The following TULP4 variants were observed in gnomAD, a reference collection of about 807,000 sequenced individuals.
The protein encoded by TULP4 is TUB like protein 4.
In TULP4, 16 loss-of-function variants were observed where a neutral mutation model predicts 129.0. That is an observed-to-expected ratio of 0.12 (90% CI 0.08 to 0.19). The LOEUF (loss-of-function observed/expected upper bound fraction) is 0.19. Among genes scored for constraint, TULP4 ranks in the 10% least tolerant of loss-of-function variants. The pLI is 1.00. For synonymous variants in TULP4, 998 were observed against 854.0 expected (o/e 1.17, Z -2.94); for missense variants, 1,842 against 2,059.1 (o/e 0.89, Z 2.04).
intron 1 of TULP4, among the ~76,000 whole-genome samples, chr6:158,293,107 T>A (rs1778973113): frequency 6.6e-6 from 1 of 152,218 alleles, no homozygotes; most frequent in Non-Finnish European, 1.5e-5. Flanking sequence ...GTCTGCAAGC[T>A]CCATTCCCTC....
chr6:158,332,229 A>ATATATATATATATATATATG (rs1779927404), intron 1 of TULP4, among the ~76,000 whole-genome samples: 1 of 142,768 alleles, frequency 7.0e-6, no homozygotes, highest in African/African-American at 2.6e-5. Context: ...ATATATATAT[A>ATATATATATATATATATATG]AATTGAAAAG....
chr6:158,461,228 A>G (rs1010761090), intron 5 of TULP4, among the ~76,000 whole-genome samples: 3 of 152,202 alleles, frequency 2.0e-5, no homozygotes, highest in Admixed American at 6.5e-5. Flanking sequence ...CCTGACCAAC[A>G]TGGAGAAATC....
rs79352818 is a variant in TULP4, at chr6:158,241,039, C to T, written n.68+8736C>T. ...CTCCTCACTTCTCAGATGGGGCGGC[C>T]GGGTAGAGACGCTCCTCACCTCCCA... is the stretch of plus-strand genomic sequence containing the variant. On this transcript the variant is annotated intron_variant and non_coding_transcript_variant, in intron 1 of 1. Transcript: ENST00000620026. Among the ~76,000 whole-genome samples, 1,058 of 135,280 alleles carry T rather than the reference C, an allele frequency of 7.8e-3. 127 individuals are homozygous for T. The East Asian group carries it at 0.18, about 23-fold the overall frequency. 88.7% of individuals were successfully genotyped at this position (135,280 alleles called of 152,430 possible).
At chr6:158,232,622 T>C (rs1043110731) in intron 1 of TULP4, among the ~76,000 whole-genome samples, 21 of 151,810 alleles carry the variant, frequency 1.4e-4, no homozygotes, top group African/African-American at 4.8e-4. Context: ...GTGGTGCGTG[T>C]GGTGTGTGTG....
Position 158,413,207 on chromosome 6 carries a change from G to A in TULP4, c.381+14G>A, listed in dbSNP as rs1005629811. The A allele has an allele frequency of 5.0e-6, 8 of 1,605,054 alleles. No individual in the cohort carries two copies. Among genetic ancestry groups the A allele is most frequent in the East Asian group, 2.2e-5 (1 of 44,746 alleles). On this transcript the variant is annotated intron_variant, in intron 2 of 13. Transcript: ENST00000367097. This position sits in a 1 kb window ranked among gnomAD's most constrained non-coding sequence, Gnocchi z 4.9. ...CGCGGGGCGCAGGTGAGTGGCAGGC[G>A]CAGCTCTGCCAGTGAAGGGCTGCGG...
chr6:158,262,601 G>T (rs1486584596), intron 1 of TULP4, among the ~76,000 whole-genome samples: 3 of 152,158 alleles, frequency 2.0e-5, no homozygotes, highest in Non-Finnish European at 4.4e-5. Flanking sequence ...CTTCTGCAAA[G>T]AATTGAACTG....
chr6:158,246,933 G>A (rs917540290), intron 1 of TULP4, among the ~76,000 whole-genome samples: 1 of 152,218 alleles, frequency 6.6e-6, no homozygotes, highest in Non-Finnish European at 1.5e-5. Flanking sequence ...GTGTGCAGCA[G>A]TGCTGTGCAG....
Position 158,409,805 on chromosome 6 carries a change from G to A in TULP4, c.253-3260G>A, listed in dbSNP as rs563642031. Among the ~76,000 whole-genome samples the A allele has an allele frequency of 2.0e-5, 3 of 152,284 alleles. No individual in the cohort carries two copies. In the South Asian group the frequency reaches 6.2e-4, roughly 32 times the overall value. ...TATACTAGTTGGAACTCTTAGCAAA[G>A]TATGTAAATGGGACTATGTTTCCAT... On this transcript the variant is annotated intron_variant, in intron 1 of 13. Transcript: ENST00000367097.
At chr6:158,350,090 G>A (rs1400514071) in intron 1 of TULP4, among the ~76,000 whole-genome samples, 3 of 144,984 alleles carry the variant, frequency 2.1e-5, no homozygotes, top group Non-Finnish European at 4.5e-5. Context: ...CTTCCCAGAC[G>A]GGGCAGCCGG....
At chr6:158,257,229 C>CT (rs562004466) in intron 1 of TULP4, among the ~76,000 whole-genome samples, 194 of 152,200 alleles carry the variant, frequency 1.3e-3, no homozygotes, top group Admixed American at 2.7e-3. Context: ...AGCCAGGACT[C>CT]TGTTCGTTTC....
chr6:158,449,974 TAAC>T (rs112921712), intron 4 of TULP4, among the ~76,000 whole-genome samples: 2,622 of 152,340 alleles, frequency 0.017, 85 homozygotes, highest in African/African-American at 0.059. Flanking sequence ...TCATTTTAGT[TAAC>T]ATATTCATCA....
chr6:158,501,866 G>A lies in TULP4; in HGVS notation c.2203G>A (p.Glu735Lys). Residue 735 changes from glutamate (E) to lysine (K), a missense_variant, in exon 13 of 14, where the codon GAA becomes AAA. Coordinates refer to ENST00000367097, the MANE Select transcript of TULP4 (RefSeq NM_020245.5). ...TNQTTAVGTA[E>K]HAGDSATQYP... is the part of the protein sequence containing the mutation. The stretch of plus-strand genomic sequence containing the variant: ...CCAGACGACAGCTGTAGGGACAGCA[G>A]AACATGCAGGTGACAGTGCCACCCA... 6.2e-7 allele frequency: 1 copy of A among 1,614,166 alleles called. No individual in the cohort carries two copies. The highest frequency in any genetic ancestry group is 8.5e-7 in the Non-Finnish European group (1 of 1,180,024).
chr6:158,496,000 A>G (rs770661955), intron 11 of TULP4, among the ~76,000 whole-genome samples: 62 of 152,194 alleles, frequency 4.1e-4, no homozygotes, highest in Non-Finnish European at 6.6e-4. Context: ...GAACATGAAC[A>G]TGTATTCGGA....
chr6:158,501,776 C>G lies in TULP4; in HGVS notation c.2113C>G (p.Gln705Glu). 1 of 1,614,180 alleles carries G rather than the reference C, an allele frequency of 6.2e-7. No homozygotes were observed. The highest frequency in any genetic ancestry group is 1.1e-5 in the South Asian group (1 of 91,084). The change falls in exon 13 of 14, where the codon CAG (glutamine) becomes GAG (glutamate). Residue 705 changes from glutamine to glutamate, a missense_variant. This residue lies in a region of TULP4 where 99 missense variants were observed against 165.1 expected (regional missense o/e 0.60). Coordinates refer to ENST00000367097, the MANE Select transcript of TULP4 (RefSeq NM_020245.5). ...CTCGGCTCAGGCTATGTCCCCCACG[C>G]AGAGCATAGGGCTGGTGCAGTCCCT... ...HSSAQAMSPT[Q>E]SIGLVQSLLA...
At chr6:158,450,454 C>G (rs1779140739) in intron 4 of TULP4, among the ~76,000 whole-genome samples, 1 of 152,028 alleles carries the variant, frequency 6.6e-6, no homozygotes, top group African/African-American at 2.4e-5. Flanking sequence ...CACACATACT[C>G]ATTCATTTAT....
chr6:158,260,150 A>G (rs1273268763), intron 1 of TULP4, among the ~76,000 whole-genome samples: 1 of 152,048 alleles, frequency 6.6e-6, no homozygotes, highest in African/African-American at 2.4e-5. Context: ...GAAATGCTCT[A>G]AGGGCCCACC....
chr6:158,362,164 C>T (rs998577463), intron 1 of TULP4, among the ~76,000 whole-genome samples: 5 of 152,174 alleles, frequency 3.3e-5, no homozygotes, highest in Non-Finnish European at 5.9e-5. Flanking sequence ...GGGATATGAA[C>T]CCACACTCTG....
chr6:158,366,143 T>C (rs1008668218), intron 1 of TULP4, among the ~76,000 whole-genome samples: 4 of 152,054 alleles, frequency 2.6e-5, no homozygotes, highest in Admixed American at 2.6e-4. Context: ...GATGTCGTGA[T>C]CTGCCCACCT....
intron 8 of TULP4, among the ~76,000 whole-genome samples, chr6:158,485,883 A>G (rs1185235998): frequency 2.0e-5 from 3 of 152,150 alleles, no homozygotes; most frequent in African/African-American, 7.2e-5. Flanking sequence ...CTGTCCCACA[A>G]TTGTATTTTG....
Sources: gnomAD v4.1 joint callset for allele counts (sites outside exome capture counted in the v4.1 genomes callset) on GRCh38, gnomAD v4.1.1 for gene constraint, gnomAD v4.1.1 regional missense constraint, Gnocchi (gnomAD v3.1) non-coding constraint, MANE v1.5 for transcripts, NCBI Gene and HGNC (gene_info 2026-07-23, HGNC 2026-07-21) for gene names.